LMLN: variants seen among roughly 807,000 people sequenced by gnomAD.
The protein encoded by LMLN is leishmanolysin-like peptidase.
A neutral mutation model predicts 92.3 loss-of-function variants in LMLN; 70 were observed. That is an observed-to-expected ratio of 0.76 (90% confidence interval 0.63 to 0.92). The LOEUF (loss-of-function observed/expected upper bound fraction) is 0.92, where lower values mean the gene tolerates loss of function less well. LMLN is among the 40% of genes least tolerant of loss of function. LMLN has a pLI of 0.00. For missense variants in LMLN, 691 were observed against 814.6 expected, an observed-to-expected ratio of 0.85 and a Z score of 1.85; for synonymous variants, 308 against 296.2, an observed-to-expected ratio of 1.04 and a Z score of -0.41.
chr3:198,001,970 T>A (rs555291321), intron 11 of LMLN, among the ~76,000 whole-genome samples: 27 of 151,878 alleles, frequency 1.8e-4, no homozygotes, highest in Admixed American at 1.7e-3. Context: ...TATGTTTTTA[T>A]TTACTGTTTT....
chr3:197,972,703 T>A (rs976897242), intron 1 of LMLN, among the ~76,000 whole-genome samples: 3 of 124,926 alleles, frequency 2.4e-5, no homozygotes, highest in East Asian at 2.0e-4. Flanking sequence ...CTCTGAATAA[T>A]TTTTTTTTTT....
In LMLN at chr3:197,976,015, T is replaced by C; in HGVS notation, c.349-14T>C. The C allele has an allele frequency of 6.8e-7, 1 of 1,470,820 alleles. No homozygotes were observed. The highest frequency in any genetic ancestry group is 9.3e-7 in the Non-Finnish European group (1 of 1,069,680). The allele number at this position is 1,470,820 out of a possible 1,614,324, so 91.1% of individuals were successfully genotyped here. On this transcript the variant is annotated splice_polypyrimidine_tract_variant and intron_variant, in intron 3 of 15. Coordinates refer to ENST00000330198, the Ensembl canonical transcript of LMLN. Reference sequence around the variant, plus strand: ...TTATAATTCTGTTTCTTTTTTTTTTTAACTTTTATTTAGAACAAGCTTTTC... The same window carrying C: ...TTATAATTCTGTTTCTTTTTTTTTTCAACTTTTATTTAGAACAAGCTTTTC...
chr3:197,982,013 C>T (rs1303818075), intron 6 of LMLN, among the ~76,000 whole-genome samples: 2 of 152,086 alleles, frequency 1.3e-5, no homozygotes, highest in Admixed American at 1.3e-4. Flanking sequence ...ACTATGTTGG[C>T]CAGGCTGGTC....
chr3:197,963,648 T>G (rs894750408), intron 1 of LMLN, among the ~76,000 whole-genome samples: 1 of 152,254 alleles, frequency 6.6e-6, no homozygotes, highest in African/African-American at 2.4e-5. Flanking sequence ...TAACCTTGTC[T>G]TCTGAGACCT....
intron 14 of LMLN, among the ~76,000 whole-genome samples, chr3:198,035,069 G>T (rs561827442): frequency 2.6e-4 from 40 of 151,946 alleles, no homozygotes; most frequent in Non-Finnish European, 4.7e-4. Context: ...AGGCATAGTG[G>T]CACATGCCTG....
intron 11 of LMLN, among the ~76,000 whole-genome samples, chr3:198,000,131 A>G (rs1722131347): frequency 6.6e-6 from 1 of 151,856 alleles, no homozygotes. Flanking sequence ...GGCTCAAGCA[A>G]GCCTCCTGCC....
At chr3:197,974,407 CATGTGGTCAAGAGAG>C (rs1721311239) in exon 2 of LMLN, 1 of 1,596,920 alleles carries the variant, frequency 6.3e-7, no homozygotes, top group Non-Finnish European at 8.5e-7. Flanking sequence ...TAAGGCAAAT[CATGTGGTCAAGAGAG>C]ATGTTGATGA....
chr3:197,986,179 C>T (rs762662674), intron 8 of LMLN, among the ~76,000 whole-genome samples: 24 of 152,102 alleles, frequency 1.6e-4, no homozygotes, highest in South Asian at 4.1e-4. Context: ...TCAAACCTTC[C>T]GGCCAGGCAC....
intron 15 of LMLN, among the ~76,000 whole-genome samples, chr3:198,036,634 G>T (rs146586820): frequency 2.6e-5 from 4 of 152,274 alleles, no homozygotes; most frequent in African/African-American, 9.6e-5. Context: ...TGAGGAGACA[G>T]ATGCCAATTA....
At chr3:198,037,964 C>T (rs554339222) in intron 15 of LMLN, among the ~76,000 whole-genome samples, 1 of 152,300 alleles carries the variant, frequency 6.6e-6, no homozygotes, top group African/African-American at 2.4e-5. Context: ...ATAGTCCTCT[C>T]GCTTGCATCC....
At chr3:197,960,318 G>T in exon 1 of LMLN, 1 of 1,613,878 alleles carries the variant, frequency 6.2e-7, no homozygotes, top group South Asian at 1.1e-5. Flanking sequence ...GCGCTGGAGC[G>T]GGTCTGTGTG....
chr3:198,013,995 C>T (rs1339283556), intron 11 of LMLN, among the ~76,000 whole-genome samples: 36 of 140,466 alleles, frequency 2.6e-4, no homozygotes, highest in Non-Finnish European at 4.6e-5. Context: ...TTTAGAGCCC[C>T]CTAACTAGTC....
intron 14 of LMLN, among the ~76,000 whole-genome samples, chr3:198,027,467 C>T (rs189182601): frequency 1.3e-5 from 2 of 152,214 alleles, no homozygotes; most frequent in Admixed American, 1.3e-4. Context: ...ATGCACATTG[C>T]CACCGAGCGT....
chr3:198,030,705 CCTCCTT>C (rs2109951887), intron 14 of LMLN, among the ~76,000 whole-genome samples: 1 of 152,220 alleles, frequency 6.6e-6, no homozygotes, highest in South Asian at 2.1e-4. Context: ...TATTGGATCC[CCTCCTT>C]CATGGATTTT....
In LMLN at chr3:198,035,361, G is replaced by GTTTTTT. The variant is rs10679322; in HGVS notation, c.1657-457_1657-452dup. The stretch of plus-strand genomic sequence containing the variant: ...TTAGGACCTAAATAACCCTCTTTTG[G>GTTTTTT]TTTTTTTTTTTTTTTTTTTTGACAC... On this transcript the variant is annotated intron_variant, in intron 14 of 15. Coordinates refer to ENST00000330198, the Ensembl canonical transcript of LMLN. Among the ~76,000 whole-genome samples the GTTTTTT allele has an allele frequency of 1.7e-4, 20 of 117,702 alleles. 1 individual carries two copies. The highest frequency in any genetic ancestry group is 6.1e-4 in the African/African-American group (17 of 28,096). 77.2% of individuals were successfully genotyped at this position (117,702 alleles called of 152,430 possible). A position where few individuals can be genotyped will look rare whatever the true frequency, so the allele number is the denominator to read the frequency against.
intron 14 of LMLN, 131 bp from the exon 16 acceptor site, chr3:198,035,702 A>C (rs75480314): frequency 0.014 from 10,779 of 759,344 alleles, 115 homozygotes; most frequent in Non-Finnish European, 0.017. Flanking sequence ...CCCACACTGC[A>C]AATTGTGCTT....
intron 11 of LMLN, among the ~76,000 whole-genome samples, chr3:198,005,280 G>A (rs560488681): frequency 6.8e-6 from 1 of 148,130 alleles, no homozygotes; most frequent in South Asian, 2.2e-4. Context: ...TACGTAGTAA[G>A]TTTGACATCT....
Position 197,961,074 on chromosome 3 carries a change from C to T in LMLN, c.219+634C>T, listed in dbSNP as rs562572653. On this transcript the variant is annotated intron_variant, in intron 1 of 15. Coordinates refer to ENST00000330198, the Ensembl canonical transcript of LMLN. ...CTTTGTCTCATTTCAAATTCCCTAA[C>T]CTCAAGGCAGCCTGCTGAAACCACC... Among the ~76,000 whole-genome samples the T allele has an allele frequency of 3.9e-5, 6 of 152,316 alleles. No homozygotes were observed. The South Asian group carries it at 1.2e-3, about 32-fold the overall frequency.
chr3:197,980,175 T>C (rs1721515153), intron 5 of LMLN, 151 bp from the exon 6 acceptor site: 3 of 549,728 alleles, frequency 5.5e-6, no homozygotes, highest in Non-Finnish European at 9.6e-6. Flanking sequence ...AGGTATTGAG[T>C]AGACAGGGAG....
Sources: allele counts gnomAD v4.1 joint callset (sites outside exome capture counted in the v4.1 genomes callset), GRCh38; gene constraint gnomAD v4.1.1; transcripts MANE v1.5; gene names NCBI Gene and HGNC (gene_info 2026-07-23, HGNC 2026-07-21).